Variants in CNTNAP3B observed in about 807,000 individuals in gnomAD.
CNTNAP3B encodes contactin-associated protein-like 3B.
In CNTNAP3B, 25 loss-of-function variants were observed where a neutral mutation model predicts 108.9. The ratio of observed to expected loss-of-function variants is 0.23; its 90% CI spans 0.17 to 0.32. CNTNAP3B has a LOEUF of 0.32. Among genes scored for constraint, CNTNAP3B ranks in the 10% least tolerant of loss-of-function variants. The pLI, the probability that CNTNAP3B is intolerant of heterozygous loss-of-function variation, is 1.00. For synonymous variants in CNTNAP3B, 103 were observed against 473.4 expected (o/e 0.22, Z 10.16); for missense variants, 252 against 1,210.4 (o/e 0.21, Z 11.75).
chr9:42,128,160 A>T (rs1481335850), intron 1 of CNTNAP3B, among the ~76,000 whole-genome samples: 1 of 138,944 alleles, frequency 7.2e-6, no homozygotes, highest in East Asian at 2.2e-4. Context: ...AGCCGAAAAA[A>T]AAATGTGCAA....
chr9:42,085,526 A>T (rs1827686245), intron 2 of CNTNAP3B, among the ~76,000 whole-genome samples: 2 of 138,484 alleles, frequency 1.4e-5, no homozygotes, highest in African/African-American at 5.8e-5. Flanking sequence ...AAATGTACTT[A>T]TCAGGAAGAA....
chr9:41,934,130 CAT>C lies in CNTNAP3B; in HGVS notation c.2237+4112_2237+4113del, dbSNP rs1253743490. On this transcript the variant is annotated intron_variant, in intron 14 of 23. Transcript: ENST00000377561. ...ATATATATATATATATATACACACA[CAT>C]ATATATATACACACACATATATATA... is the stretch of plus-strand genomic sequence containing the variant. Among the ~76,000 whole-genome samples, 760 of 116,400 alleles carry C rather than the reference CAT, an allele frequency of 6.5e-3. 11 individuals are homozygous for C. Among genetic ancestry groups the C allele is most frequent in the African/African-American group, 0.023 (697 of 29,674 alleles). The allele number at this position is 116,400 out of a possible 152,430, so 76.4% of individuals were successfully genotyped here. A position where few individuals can be genotyped will look rare whatever the true frequency, so the allele number is the denominator to read the frequency against.
intron 13 of CNTNAP3B, among the ~76,000 whole-genome samples, chr9:41,940,421 G>A (rs1466994147): frequency 6.6e-6 from 1 of 152,300 alleles, no homozygotes; most frequent in Non-Finnish European, 1.5e-5. Context: ...TGAAATTACA[G>A]AACCAGAAGG....
Position 42,079,741 on chromosome 9 carries a change from T to C in CNTNAP3B, c.197-2679A>G, listed in dbSNP as rs562533065. On this transcript the variant is annotated intron_variant, in intron 2 of 23. Coordinates refer to ENST00000377561, the MANE Select transcript of CNTNAP3B (RefSeq NM_001201380.3). ...TTCACCACGTTGGCCAGGATGGTCT[T>C]GGTCTCCTGACCTAGTGATTTGCCC... Among the ~76,000 whole-genome samples, 1,178 of 138,120 alleles carry C rather than the reference T, an allele frequency of 8.5e-3. 171 individuals carry two copies. Among genetic ancestry groups the C allele is most frequent in the Non-Finnish European group, 0.013 (854 of 64,522 alleles). 90.6% of individuals were successfully genotyped at this position (138,120 alleles called of 152,430 possible).
At position 42,116,321 on chromosome 9, in the gene CNTNAP3B, T is replaced by G. The variant is rs1020448605; in HGVS notation, c.86-11582A>C. ...GGAAGCCCATCAGACTAACAGCGGA[T>G]CTCTCGGCAGAAACTCTACAAGCCA... On this transcript the variant is annotated intron_variant, in intron 1 of 23. Coordinates refer to ENST00000377561, the MANE Select transcript of CNTNAP3B (RefSeq NM_001201380.3). 5.3e-3 allele frequency among the ~76,000 whole-genome samples: 682 copies of G among 129,456 alleles called. 127 individuals carry two copies. Among genetic ancestry groups the G allele is most frequent in the African/African-American group, 0.021 (664 of 31,412 alleles). 84.9% of individuals were successfully genotyped at this position (129,456 alleles called of 152,430 possible). A position where few individuals can be genotyped will look rare whatever the true frequency, so the allele number is the denominator to read the frequency against.
intron 18 of CNTNAP3B, among the ~76,000 whole-genome samples, chr9:41,919,503 A>C (rs1327191399): frequency 5.3e-4 from 81 of 152,290 alleles, no homozygotes; most frequent in African/African-American, 1.8e-3. Flanking sequence ...TCATAGAGCA[A>C]AGTGTTTGAG....
At chr9:42,052,027 T>G (rs983204614) in intron 3 of CNTNAP3B, among the ~76,000 whole-genome samples, 1 of 149,706 alleles carries the variant, frequency 6.7e-6, no homozygotes, top group African/African-American at 2.5e-5. Context: ...AGCCATTTGA[T>G]ATGAATGATT....
At chr9:41,973,001 G>C (rs1380359356) in intron 9 of CNTNAP3B, among the ~76,000 whole-genome samples, 2 of 118,954 alleles carry the variant, frequency 1.7e-5, no homozygotes, top group East Asian at 2.6e-4. Context: ...GCAGTGGTGT[G>C]ATCTCTGCTC....
chr9:41,954,578 C>T (rs1268263496), intron 12 of CNTNAP3B, among the ~76,000 whole-genome samples: 1 of 152,294 alleles, frequency 6.6e-6, no homozygotes, highest in South Asian at 2.1e-4. Flanking sequence ...ATTATCACTC[C>T]ACTCACTGTA....
intron 23 of CNTNAP3B, 128 bp from the exon 24 acceptor site, chr9:41,894,238 C>A (rs1823381780): frequency 3.1e-6 from 1 of 318,344 alleles, no homozygotes; most frequent in African/African-American, 3.6e-5. Context: ...TTGATCCTCC[C>A]AAGTAGCTGA....
intron 13 of CNTNAP3B, among the ~76,000 whole-genome samples, chr9:41,943,839 A>G (rs1564152521): frequency 6.6e-6 from 1 of 152,284 alleles, no homozygotes; most frequent in African/African-American, 2.4e-5. Context: ...GTTAAATACA[A>G]AAAAAACCAC....
At chr9:42,065,033 AATTTTT>A (rs1467562905) in intron 3 of CNTNAP3B, among the ~76,000 whole-genome samples, 1 of 121,818 alleles carries the variant, frequency 8.2e-6, no homozygotes, top group African/African-American at 3.3e-5. Flanking sequence ...GAAATCTCCA[AATTTTT>A]TTCCACAGTT....
chr9:41,964,019 TC>T (rs1191530084), intron 11 of CNTNAP3B, among the ~76,000 whole-genome samples: 2 of 152,030 alleles, frequency 1.3e-5, no homozygotes, highest in Admixed American at 6.6e-5. Flanking sequence ...ATCTTAAAGG[TC>T]CTCTAGTTTC....
intron 3 of CNTNAP3B, among the ~76,000 whole-genome samples, chr9:42,021,719 G>A (rs2082184445): frequency 9.0e-6 from 1 of 111,420 alleles, no homozygotes. Context: ...TTATCCGGCA[G>A]TGTGCTAGAA....
At chr9:42,030,782 G>GAGAGAT (rs1554751477) in intron 3 of CNTNAP3B, among the ~76,000 whole-genome samples, 1 of 108,404 alleles carries the variant, frequency 9.2e-6, no homozygotes, top group African/African-American at 4.2e-5. Flanking sequence ...GAGAGAGAGA[G>GAGAGAT]AGATGTGTGC....
chr9:42,098,417 C>A (rs1367202035), intron 2 of CNTNAP3B, among the ~76,000 whole-genome samples: 8 of 96,060 alleles, frequency 8.3e-5, no homozygotes, highest in African/African-American at 9.2e-5. Context: ...ACTAAAAATA[C>A]AAAAAAAAAA....
At chr9:41,968,833 T>TG (rs1340733348) in intron 10 of CNTNAP3B, among the ~76,000 whole-genome samples, 1 of 150,940 alleles carries the variant, frequency 6.6e-6, no homozygotes, top group African/African-American at 2.5e-5. Context: ...AGTCTGGCTC[T>TG]GTTGCCCAGT....
intron 7 of CNTNAP3B, among the ~76,000 whole-genome samples, chr9:41,992,197 G>T (rs1230842459): frequency 8.4e-6 from 1 of 118,960 alleles, no homozygotes; most frequent in African/African-American, 3.5e-5. Context: ...TAGCCCTGAG[G>T]ATACAGCAAA....
chr9:42,115,554 C>A (rs1470235549), intron 1 of CNTNAP3B, among the ~76,000 whole-genome samples: 1 of 136,710 alleles, frequency 7.3e-6, no homozygotes, highest in Admixed American at 7.3e-5. Context: ...TGCCATTCTG[C>A]AATATTTGCT....
Sources: allele counts gnomAD v4.1 joint callset (sites outside exome capture counted in the v4.1 genomes callset), GRCh38; gene constraint gnomAD v4.1.1; transcripts MANE v1.5; gene names NCBI Gene and HGNC (gene_info 2026-07-23, HGNC 2026-07-21).